Variants in FAP observed in about 807,000 individuals in gnomAD.
FAP encodes the protein fibroblast activation protein alpha, also known as prolyl endopeptidase FAP.
In FAP, 110 loss-of-function variants were observed where a neutral mutation model predicts 126.5. That is an observed-to-expected ratio of 0.87 (90% confidence interval 0.74 to 1.02). The LOEUF (loss-of-function observed/expected upper bound fraction) is 1.02. FAP is among the 50% of genes least tolerant of loss of function. The probability of loss-of-function intolerance (pLI) is 0.00; values close to 1 mark genes in which losing one functional copy is unlikely to be tolerated. For synonymous variants in FAP, 334 were observed against 297.3 expected (o/e 1.12, Z -1.27); for missense variants, 919 against 909.2 (o/e 1.01, Z -0.14).
intron 11 of FAP, among the ~76,000 whole-genome samples, chr2:162,212,858 A>G (rs1689000294): frequency 6.6e-6 from 1 of 152,208 alleles, no homozygotes; most frequent in Non-Finnish European, 1.5e-5. Flanking sequence ...TTTAAAGCTT[A>G]TACATTGGTT....
In FAP at chr2:162,189,193, G is replaced by GA. The variant is rs755798533; in HGVS notation, c.1550-22dup. 4.0e-6 allele frequency: 6 copies of GA among 1,514,516 alleles called. No homozygotes were observed. The Admixed American group carries it at 1.1e-4, about 27-fold the overall frequency. The allele number at this position is 1,514,516 out of a possible 1,614,324, so 93.8% of individuals were successfully genotyped here. A position where few individuals can be genotyped will look rare whatever the true frequency, so the allele number is the denominator to read the frequency against. Reference sequence around the variant, plus strand: ...TAAAGCTTTGAGGAAAAAAAAAGGAGAAAAATCTTCATTCCACAGCACTAG... The same window carrying GA: ...TAAAGCTTTGAGGAAAAAAAAAGGAGAAAAAATCTTCATTCCACAGCACTAG... On this transcript the variant is annotated intron_variant, in intron 18 of 25. Coordinates refer to ENST00000188790, the MANE Select transcript of FAP (RefSeq NM_004460.5).
rs1039458794 is a variant in FAP, at chr2:162,189,027, T to C, written c.1619+76A>G. The C allele has an allele frequency of 6.4e-6, 6 of 938,098 alleles. No homozygotes were observed. The African/African-American group carries it at 8.3e-5, about 13-fold the overall frequency. 58.1% of individuals were successfully genotyped at this position (938,098 alleles called of 1,614,324 possible). A position where few individuals can be genotyped will look rare whatever the true frequency, so the allele number is the denominator to read the frequency against. On this transcript the variant is annotated intron_variant, in intron 19 of 25. Coordinates refer to ENST00000188790, the MANE Select transcript of FAP (RefSeq NM_004460.5). ...CACTGTTACCAAGGAGAATGGTTCA[T>C]TCTATTTCATAAATGTGTATTTCAT...
chr2:162,187,942 T>C lies in FAP; in HGVS notation c.1814+227A>G, dbSNP rs375530183. Reference sequence around the variant, plus strand: ...ATGACAACACATCAAAAGAGGGTATTTGTCATTTAGCACTTGAAATCATTT... The same window carrying C: ...ATGACAACACATCAAAAGAGGGTATCTGTCATTTAGCACTTGAAATCATTT... On this transcript the variant is annotated intron_variant, in intron 20 of 25. Transcript: ENST00000188790. Among the ~76,000 whole-genome samples the C allele has an allele frequency of 2.6e-4, 39 of 152,222 alleles. No individual in the cohort carries two copies. The East Asian group carries it at 4.6e-3, about 18-fold the overall frequency.
chr2:162,190,164 A>G (rs1353388381), intron 17 of FAP, among the ~76,000 whole-genome samples: 1 of 152,056 alleles, frequency 6.6e-6, no homozygotes, highest in Non-Finnish European at 1.5e-5. Flanking sequence ...CCTCAAATTT[A>G]AAATAATTAA....
chr2:162,172,499 C>T (rs1057042179), intron 25 of FAP: 1 of 251,706 alleles, frequency 4.0e-6, no homozygotes, highest in African/African-American at 2.2e-5. Context: ...TGCAGGGACT[C>T]TAAGCATATA....
At chr2:162,192,650 G>A (rs1276760530) in intron 17 of FAP, among the ~76,000 whole-genome samples, 1 of 151,880 alleles carries the variant, frequency 6.6e-6, no homozygotes, top group African/African-American at 2.4e-5. Context: ...TGATCTTCTG[G>A]CATCCAGATC....
chr2:162,217,045 C>T (rs1223419275), intron 9 of FAP, among the ~76,000 whole-genome samples: 5 of 152,228 alleles, frequency 3.3e-5, no homozygotes, highest in African/African-American at 1.2e-4. Context: ...TCCCAAACAT[C>T]TCCAGCTTTT....
At position 162,186,712 on chromosome 2, in the gene FAP, C is replaced by G. The variant is rs140044350; in HGVS notation, c.1814+1457G>C. 4.2e-3 allele frequency among the ~76,000 whole-genome samples: 640 copies of G among 152,044 alleles called. 10 individuals carry two copies. The highest frequency in any genetic ancestry group is 0.015 in the African/African-American group (602 of 41,470). On this transcript the variant is annotated intron_variant, in intron 20 of 25. Transcript: ENST00000188790. Reference sequence around the variant, plus strand: ...TTTCATCTCTGTTTTCATGTAGTCCCAGGATTACATGTCCTTGATGTTTAT... The same window carrying G: ...TTTCATCTCTGTTTTCATGTAGTCCGAGGATTACATGTCCTTGATGTTTAT...
intron 2 of FAP, among the ~76,000 whole-genome samples, chr2:162,237,602 T>C (rs1324523493): frequency 6.6e-6 from 1 of 152,250 alleles, no homozygotes; most frequent in Non-Finnish European, 1.5e-5. Context: ...AGTCTATCAT[T>C]GATGGGCATT....
chr2:162,183,515 G>T (rs1687762921), intron 20 of FAP, 47 bp from the exon 21 acceptor site: 1 of 1,052,462 alleles, frequency 9.5e-7, no homozygotes, highest in Non-Finnish European at 1.5e-6. Flanking sequence ...GTATACACAT[G>T]ACATTTACTT....
chr2:162,179,809 TATA>T lies in FAP; in HGVS notation c.1869+3602_1869+3604del, dbSNP rs201841696. The stretch of plus-strand genomic sequence containing the variant: ...ATCTATCTATATATATATATATATA[TATA>T]TTTTTTTTTTTTTTGAGATGGAGTC... On this transcript the variant is annotated intron_variant, in intron 21 of 25. Transcript: ENST00000188790. 3.3e-3 allele frequency among the ~76,000 whole-genome samples: 451 copies of T among 134,670 alleles called. 9 individuals carry two copies. Among genetic ancestry groups the T allele is most frequent in the South Asian group, 0.023 (101 of 4,316 alleles). The allele number at this position is 134,670 out of a possible 152,430, so 88.3% of individuals were successfully genotyped here. A position where few individuals can be genotyped will look rare whatever the true frequency, so the allele number is the denominator to read the frequency against.
chr2:162,173,666 A>T, intron 23 of FAP, 57 bp downstream of exon 23: 2 of 1,172,976 alleles, frequency 1.7e-6, no homozygotes, highest in Non-Finnish European at 1.3e-6. Context: ...TACTGCTTTT[A>T]AGTTATTTAG....
Position 162,196,714 on chromosome 2 carries a change from C to A in FAP, c.1403-1966G>T, listed in dbSNP as rs76063384. Among the ~76,000 whole-genome samples, 1,063 of 152,130 alleles carry A rather than the reference C, an allele frequency of 7.0e-3. 4 individuals are homozygous for A. Among genetic ancestry groups the A allele is most frequent in the Non-Finnish European group, 0.011 (755 of 67,994 alleles). ...CATCTGGGACTTACTAACCATCCCT[C>A]GGGAGAGTTTGAAGTTACATAATGA... On this transcript the variant is annotated intron_variant, in intron 16 of 25. Coordinates refer to ENST00000188790, the MANE Select transcript of FAP (RefSeq NM_004460.5).
chr2:162,226,661 G>A, intron 2 of FAP, 40 bp from the exon 3 acceptor site: 1 of 1,076,990 alleles, frequency 9.3e-7, no homozygotes, highest in East Asian at 2.4e-5. Context: ...TAAAAAGAAG[G>A]TTAACAACTC....
chr2:162,214,608 A>G (rs1037591470), intron 10 of FAP, among the ~76,000 whole-genome samples: 13 of 150,624 alleles, frequency 8.6e-5, no homozygotes, highest in African/African-American at 2.2e-4. Flanking sequence ...TTTGGCACAT[A>G]CTAGATGTCA....
At chr2:162,214,252 A>G (rs1489459901) in intron 10 of FAP, among the ~76,000 whole-genome samples, 179 bp from the exon 11 acceptor site, 1 of 152,178 alleles carries the variant, frequency 6.6e-6, no homozygotes, top group African/African-American at 2.4e-5. Context: ...TACTTACTTA[A>G]AAAAATATCT....
intron 16 of FAP, among the ~76,000 whole-genome samples, chr2:162,195,453 T>C (rs141391845): frequency 1.8e-4 from 28 of 152,008 alleles, no homozygotes; most frequent in African/African-American, 6.3e-4. Context: ...CCCCCTAGCA[T>C]GGAGCTTTAC....
chr2:162,193,352 A>AT (rs1403739198), intron 17 of FAP, among the ~76,000 whole-genome samples: 6 of 152,194 alleles, frequency 3.9e-5, no homozygotes, highest in East Asian at 1.9e-4. Flanking sequence ...AAAGAATTTG[A>AT]TTTTTTCTGT....
intron 12 of FAP, among the ~76,000 whole-genome samples, chr2:162,206,123 A>G (rs1301630910): frequency 1.3e-5 from 2 of 152,214 alleles, no homozygotes; most frequent in African/African-American, 4.8e-5. Flanking sequence ...CATTGCACAC[A>G]TTGAAGACAG....
Sources: gnomAD v4.1 joint callset for allele counts (sites outside exome capture counted in the v4.1 genomes callset) on GRCh38, gnomAD v4.1.1 for gene constraint, MANE v1.5 for transcripts, NCBI Gene and HGNC (gene_info 2026-07-23, HGNC 2026-07-21) for gene names.